The following ATP9A variants were observed in gnomAD, a reference collection of about 807,000 sequenced individuals.
ATP9A encodes ATPase phospholipid transporting 9A, also known as probable phospholipid-transporting ATPase IIA.
ATP9A carries 52 observed loss-of-function variants against 144.1 expected under a neutral mutation model. The ratio of observed to expected loss-of-function variants is 0.36; its 90% CI spans 0.29 to 0.45. The LOEUF is 0.45. Among genes scored for constraint, ATP9A ranks in the 20% least tolerant of loss-of-function variants. The probability of loss-of-function intolerance (pLI) is 1.00; values close to 1 mark genes in which losing one functional copy is unlikely to be tolerated. For synonymous variants in ATP9A, 582 were observed against 557.4 expected, an observed-to-expected ratio of 1.04 and a Z score of -0.62; for missense variants, 947 against 1,392.7, an observed-to-expected ratio of 0.68 and a Z score of 5.09.
At chr20:51,738,743 C>T (rs2069613405) in intron 1 of ATP9A, among the ~76,000 whole-genome samples, 1 of 151,676 alleles carries the variant, frequency 6.6e-6, no homozygotes, top group Non-Finnish European at 1.5e-5. Context: ...AAAGTGTATG[C>T]CTCTCTCCTT....
At chr20:51,755,291 C>A (rs2077850974) in intron 1 of ATP9A, among the ~76,000 whole-genome samples, 2 of 151,774 alleles carry the variant, frequency 1.3e-5, no homozygotes, top group Non-Finnish European at 2.9e-5. Context: ...CAAAAATTAG[C>A]TGGCGTGGTG....
intron 1 of ATP9A, among the ~76,000 whole-genome samples, chr20:51,735,486 G>A (rs1339777512): frequency 6.6e-6 from 1 of 152,188 alleles, no homozygotes; most frequent in Non-Finnish European, 1.5e-5. Flanking sequence ...TGTTTCTGCA[G>A]CTAAATTCAT....
At chr20:51,699,536 C>G (rs1211423165) in intron 4 of ATP9A, among the ~76,000 whole-genome samples, 3 of 152,104 alleles carry the variant, frequency 2.0e-5, no homozygotes, top group Non-Finnish European at 4.4e-5. Context: ...TAATCGGTTC[C>G]ATAAGATTTG....
At chr20:51,670,770 G>A (rs1348864354) in intron 12 of ATP9A, among the ~76,000 whole-genome samples, 1 of 152,144 alleles carries the variant, frequency 6.6e-6, no homozygotes, top group Non-Finnish European at 1.5e-5. Flanking sequence ...CTGACTGCCT[G>A]AGTTAAAGCT....
At chr20:51,745,496 G>A (rs1326328235) in intron 1 of ATP9A, among the ~76,000 whole-genome samples, 4 of 152,100 alleles carry the variant, frequency 2.6e-5, no homozygotes, top group Admixed American at 2.6e-4. Flanking sequence ...CAATAGCAGG[G>A]CGGGGGGATT....
intron 18 of ATP9A, among the ~76,000 whole-genome samples, chr20:51,624,513 G>A (rs543794413): frequency 7.9e-5 from 12 of 152,176 alleles, no homozygotes; most frequent in Non-Finnish European, 1.6e-4. Context: ...GTGTGATGGC[G>A]CTGACGGTCA....
chr20:51,719,168 G>A (rs563090092), intron 3 of ATP9A, among the ~76,000 whole-genome samples: 237 of 151,850 alleles, frequency 1.6e-3, no homozygotes, highest in African/African-American at 5.7e-3. Context: ...GAGAGATGGG[G>A]TCTGGAGCAT....
intron 8 of ATP9A, among the ~76,000 whole-genome samples, chr20:51,689,513 G>A (rs1405738311): frequency 6.6e-6 from 1 of 151,624 alleles, no homozygotes; most frequent in African/African-American, 2.4e-5. Context: ...ATGGGTTCTA[G>A]AAACCTGTTG....
At chr20:51,730,367 C>G (rs2077735500) in intron 1 of ATP9A, among the ~76,000 whole-genome samples, 1 of 152,032 alleles carries the variant, frequency 6.6e-6, no homozygotes, top group Non-Finnish European at 1.5e-5. Flanking sequence ...ACTCAGGAGG[C>G]TGAGGGAGGA....
chr20:51,703,619 A>C (rs748775143), intron 4 of ATP9A, among the ~76,000 whole-genome samples: 5 of 152,148 alleles, frequency 3.3e-5, no homozygotes, highest in Non-Finnish European at 7.4e-5. Flanking sequence ...AGCCCAAACC[A>C]TGCCTTTCAT....
intron 1 of ATP9A, among the ~76,000 whole-genome samples, chr20:51,753,144 T>C (rs2077839894): frequency 6.6e-6 from 1 of 151,680 alleles, no homozygotes; most frequent in African/African-American, 2.4e-5. Context: ...AAAGAAAACA[T>C]TACTTGTAAA....
In ATP9A at chr20:51,712,954, C is replaced by T; in HGVS notation, c.436+12G>A. The T allele has an allele frequency of 6.2e-7, 1 of 1,600,982 alleles. No individual in the cohort carries two copies. Among genetic ancestry groups the T allele is most frequent in the Non-Finnish European group, 8.5e-7 (1 of 1,173,390 alleles). On this transcript the variant is annotated intron_variant, in intron 4 of 27. Coordinates refer to ENST00000338821, the MANE Select transcript of ATP9A (RefSeq NM_006045.3). ...AGCTGCAACCCTGTGGCCCAGGAGCCAGAAGGCTGACCTCGTGCTGTGAGC... is the reference window on the plus strand; with the variant it reads ...AGCTGCAACCCTGTGGCCCAGGAGCTAGAAGGCTGACCTCGTGCTGTGAGC...
intron 15 of ATP9A, among the ~76,000 whole-genome samples, chr20:51,637,528 G>A (rs117477364): frequency 0.015 from 2,241 of 152,108 alleles, 24 homozygotes; most frequent in Non-Finnish European, 0.024. Flanking sequence ...TGAATGCTAC[G>A]GAAGAAGAAC....
At chr20:51,606,129 C>T (rs1343784628) in intron 26 of ATP9A, among the ~76,000 whole-genome samples, 2 of 150,788 alleles carry the variant, frequency 1.3e-5, no homozygotes, top group Admixed American at 6.6e-5. Context: ...ATTAGGTGGG[C>T]GCCTGTAATC....
Position 51,600,227 on chromosome 20 carries a change from G to T in ATP9A, c.*984C>A, listed in dbSNP as rs1347818133. Reference sequence around the variant, plus strand: ...CATTATGCCTCCTAACAGGAAACAGGCTTCTATGGAAGAGAAGAGTCCCAG... The same window carrying T: ...CATTATGCCTCCTAACAGGAAACAGTCTTCTATGGAAGAGAAGAGTCCCAG... On this transcript the variant is annotated 3_prime_UTR_variant, in exon 28 of 28. Transcript: ENST00000338821. 6.6e-6 allele frequency: 1 copy of T among 152,206 alleles called. No individual in the cohort carries two copies. Among genetic ancestry groups the T allele is most frequent in the Non-Finnish European group, 1.5e-5 (1 of 68,050 alleles). 9.4% of individuals were successfully genotyped at this position (152,206 alleles called of 1,614,324 possible).
chr20:51,694,107 G>A lies in ATP9A; in HGVS notation c.548-5C>T. 1 of 1,613,696 alleles carries A rather than the reference G, an allele frequency of 6.2e-7. No homozygotes were observed. On this transcript the variant is annotated splice_region_variant and splice_polypyrimidine_tract_variant and intron_variant, in intron 6 of 27. Transcript: ENST00000338821. ...CCGTCCGCAAGAAGCATGACCCTGTGGAAGGAAGTCGGGTGCCGTCACCTG... is the reference window on the plus strand; with the variant it reads ...CCGTCCGCAAGAAGCATGACCCTGTAGAAGGAAGTCGGGTGCCGTCACCTG...
intron 14 of ATP9A, among the ~76,000 whole-genome samples, chr20:51,651,198 T>C (rs1246540990): frequency 1.7e-5 from 2 of 116,534 alleles, no homozygotes; most frequent in Non-Finnish European, 3.7e-5. Context: ...TATTATTTTA[T>C]ATATTTATAT....
chr20:51,603,870 T>C (rs1190961572), intron 27 of ATP9A, among the ~76,000 whole-genome samples: 3 of 152,172 alleles, frequency 2.0e-5, no homozygotes, highest in Non-Finnish European at 4.4e-5. Context: ...AACCTTCGCC[T>C]CCCGGGTTCA....
intron 14 of ATP9A, among the ~76,000 whole-genome samples, chr20:51,644,294 A>G (rs1166788872): frequency 2.8e-4 from 18 of 64,250 alleles, no homozygotes; most frequent in Non-Finnish European, 9.2e-5. Flanking sequence ...TTTTTTTGAG[A>G]CGGAGTCTCA....
Sources: gnomAD v4.1 joint callset for allele counts (sites outside exome capture counted in the v4.1 genomes callset) on GRCh38, gnomAD v4.1.1 for gene constraint, MANE v1.5 for transcripts, NCBI Gene and HGNC (gene_info 2026-07-23, HGNC 2026-07-21) for gene names.